MEF2A: variants seen among roughly 807,000 people sequenced by gnomAD.
The protein encoded by MEF2A is myocyte enhancer factor 2A.
Under a neutral mutation model 55.8 loss-of-function variants are expected in MEF2A, and 28 were observed. That is an observed-to-expected ratio of 0.50 (90% CI 0.37 to 0.69). The LOEUF (loss-of-function observed/expected upper bound fraction) is 0.69, where lower values mean the gene tolerates loss of function less well. Among genes scored for constraint, MEF2A ranks in the 30% least tolerant of loss-of-function variants. The pLI is 0.00. For synonymous variants in MEF2A, 239 were observed against 227.1 expected, an observed-to-expected ratio of 1.05 and a Z score of -0.47; for missense variants, 528 against 626.2, an observed-to-expected ratio of 0.84 and a Z score of 1.67.
chr15:99,621,654 T>C (rs896223238), intron 2 of MEF2A, among the ~76,000 whole-genome samples: 2 of 152,220 alleles, frequency 1.3e-5, no homozygotes, highest in Non-Finnish European at 2.9e-5. Context: ...ATGAGTCTTA[T>C]GTCTAGTTTC....
At chr15:99,675,773 C>T (rs2051874399) in intron 7 of MEF2A, among the ~76,000 whole-genome samples, 1 of 152,114 alleles carries the variant, frequency 6.6e-6, no homozygotes, top group Admixed American at 6.5e-5. Context: ...CGTCGTGGCT[C>T]ACACCTGTAA....
chr15:99,682,924 A>G (rs1352549948), intron 7 of MEF2A, among the ~76,000 whole-genome samples: 1 of 152,252 alleles, frequency 6.6e-6, no homozygotes, highest in Non-Finnish European at 1.5e-5. Flanking sequence ...GAATCAGAAC[A>G]CATATTCATG....
intron 4 of MEF2A, among the ~76,000 whole-genome samples, chr15:99,650,244 C>G (rs2153508609): frequency 6.6e-6 from 1 of 152,242 alleles, no homozygotes; most frequent in African/African-American, 2.4e-5. Context: ...GTGGCAGAAC[C>G]AGGATTAGGA....
intron 2 of MEF2A, among the ~76,000 whole-genome samples, chr15:99,599,331 GATATC>G (rs1041790090): frequency 1.3e-5 from 2 of 152,058 alleles, no homozygotes; most frequent in African/African-American, 4.8e-5. Context: ...TTAAATATTA[GATATC>G]ATTGATCCAG....
At chr15:99,608,908 A>T (rs985167296) in intron 2 of MEF2A, among the ~76,000 whole-genome samples, 6 of 152,268 alleles carry the variant, frequency 3.9e-5, no homozygotes, top group Admixed American at 2.0e-4. Flanking sequence ...TCTCAAAAAA[A>T]AAAAAGAAGG....
At chr15:99,631,717 T>C (rs2042974092) in intron 2 of MEF2A, among the ~76,000 whole-genome samples, 1 of 152,020 alleles carries the variant, frequency 6.6e-6, no homozygotes, top group African/African-American at 2.4e-5. Flanking sequence ...TTATTAGAAG[T>C]AGGTGAACAA....
At chr15:99,601,515 T>G (rs1035630531) in intron 2 of MEF2A, among the ~76,000 whole-genome samples, 1 of 151,288 alleles carries the variant, frequency 6.6e-6, no homozygotes, top group African/African-American at 2.4e-5. Flanking sequence ...TCAGAGTTTT[T>G]TTTTTTTTTT....
chr15:99,597,295 C>T (rs72760517), intron 1 of MEF2A, among the ~76,000 whole-genome samples: 4,674 of 152,196 alleles, frequency 0.031, 91 homozygotes, highest in Middle Eastern at 0.11. Context: ...ACTGGCCCCC[C>T]GGGTGTGGTC....
chr15:99,665,237 G>T (rs573673852), intron 4 of MEF2A, among the ~76,000 whole-genome samples: 2 of 152,236 alleles, frequency 1.3e-5, no homozygotes, highest in South Asian at 4.1e-4. Flanking sequence ...GGCTTTCATT[G>T]TTTTTCCTTA....
intron 4 of MEF2A, among the ~76,000 whole-genome samples, chr15:99,648,497 A>C (rs1356457538): frequency 6.6e-6 from 1 of 152,176 alleles, no homozygotes; most frequent in Non-Finnish European, 1.5e-5. Context: ...TAGAGGCATG[A>C]ACAGTTATAA....
intron 4 of MEF2A, among the ~76,000 whole-genome samples, chr15:99,654,428 G>A (rs940630435): frequency 2.6e-5 from 4 of 151,994 alleles, no homozygotes; most frequent in African/African-American, 9.7e-5. Flanking sequence ...AATAATGTAT[G>A]TGAAAGCATT....
chr15:99,651,790 G>A (rs759249132), intron 4 of MEF2A, among the ~76,000 whole-genome samples: 3 of 152,128 alleles, frequency 2.0e-5, no homozygotes, highest in Non-Finnish European at 2.9e-5. Context: ...GGGACTACAC[G>A]TCTCTAAGTG....
chr15:99,602,650 T>TGGGG (rs201036705), intron 2 of MEF2A, among the ~76,000 whole-genome samples: 20 of 103,404 alleles, frequency 1.9e-4, no homozygotes, highest in East Asian at 1.4e-3. Flanking sequence ...CTGACATTCC[T>TGGGG]GGGGTGTGTG....
intron 2 of MEF2A, among the ~76,000 whole-genome samples, chr15:99,623,705 T>C (rs1321518801): frequency 6.6e-6 from 1 of 152,222 alleles, no homozygotes; most frequent in Admixed American, 6.5e-5. Context: ...TGGTGCAATG[T>C]CTATTCAAGT....
At chr15:99,649,952 G>A (rs1016451145) in intron 4 of MEF2A, among the ~76,000 whole-genome samples, 1 of 152,034 alleles carries the variant, frequency 6.6e-6, no homozygotes, top group African/African-American at 2.4e-5. Flanking sequence ...AAAAATAGCC[G>A]TGACTTGGTA....
intron 4 of MEF2A, among the ~76,000 whole-genome samples, chr15:99,667,910 T>G (rs1026574929): frequency 5.9e-5 from 9 of 152,252 alleles, no homozygotes; most frequent in Non-Finnish European, 1.5e-5. Flanking sequence ...TTTTAAGAGA[T>G]ATTTAGTTTT....
At chr15:99,690,649 A>C in intron 8 of MEF2A, 1 of 649,466 alleles carries the variant, frequency 1.5e-6, no homozygotes, top group Non-Finnish European at 2.8e-6. Flanking sequence ...TTAAAGCTAA[A>C]TACGAACGTG....
At chr15:99,587,978 G>C (rs1302647438) in intron 1 of MEF2A, among the ~76,000 whole-genome samples, 1 of 152,148 alleles carries the variant, frequency 6.6e-6, no homozygotes, top group African/African-American at 2.4e-5. Context: ...AAAATGGTGA[G>C]AGTGGACATT....
intron 1 of MEF2A, among the ~76,000 whole-genome samples, chr15:99,586,901 G>A (rs1271980991): frequency 6.6e-6 from 1 of 152,088 alleles, no homozygotes; most frequent in African/African-American, 2.4e-5. Context: ...TTTTCCCCTT[G>A]AATTACCTTG....
Sources: allele counts gnomAD v4.1 joint callset (sites outside exome capture counted in the v4.1 genomes callset), GRCh38; gene constraint gnomAD v4.1.1; transcripts MANE v1.5; gene names NCBI Gene and HGNC (gene_info 2026-07-23, HGNC 2026-07-21).